Variants in KIRREL3 observed in about 807,000 individuals in gnomAD.
KIRREL3 encodes the protein kirre like nephrin family adhesion molecule 3.
A neutral mutation model predicts 89.7 loss-of-function variants in KIRREL3; 36 were observed. The ratio of observed to expected loss-of-function variants is 0.40; its 90% confidence interval spans 0.31 to 0.53. The LOEUF (loss-of-function observed/expected upper bound fraction) is 0.53, where lower values mean the gene tolerates loss of function less well. Ranked by LOEUF, KIRREL3 falls within the 20% of genes least tolerant of loss-of-function variation. KIRREL3 has a pLI of 0.49. For synonymous variants in KIRREL3, 445 were observed against 441.4 expected (o/e 1.01, Z -0.10); for missense variants, 864 against 1,056.6 (o/e 0.82, Z 2.53).
rs1382349268 is a variant in KIRREL3, at chr11:126,991,306, T to C, written c.55+9149A>G. Among the ~76,000 whole-genome samples the C allele has an allele frequency of 6.6e-6, 1 of 152,170 alleles. No homozygotes were observed. The highest frequency in any genetic ancestry group is 1.5e-5 in the Non-Finnish European group (1 of 68,038). ...CTCCATGTGCTGATATTACAAGCAC[T>C]GCTGGCTTCTCCTCTCATTACCCCT... On this transcript the variant is annotated intron_variant, in intron 1 of 16. Transcript: ENST00000525144. This position sits in a 1 kb window ranked among gnomAD's most constrained non-coding sequence, Gnocchi z 5.8.
chr11:126,909,926 T>C lies in KIRREL3; in HGVS notation c.55+90529A>G, dbSNP rs1381602560. Among the ~76,000 whole-genome samples the C allele has an allele frequency of 6.6e-6, 1 of 152,198 alleles. No homozygotes were observed. Among genetic ancestry groups the C allele is most frequent in the Non-Finnish European group, 1.5e-5 (1 of 68,030 alleles). On this transcript the variant is annotated intron_variant, in intron 1 of 16. Transcript: ENST00000525144. This position sits in a 1 kb window ranked among gnomAD's most constrained non-coding sequence, Gnocchi z 4.5. Reference sequence around the variant, plus strand: ...TTCTCAACTCCTAATGGACCCTGTATTAACTGAAGATGACAGGGAGCGAGG... The same window carrying C: ...TTCTCAACTCCTAATGGACCCTGTACTAACTGAAGATGACAGGGAGCGAGG...
At position 126,611,495 on chromosome 11, in the gene KIRREL3, G is replaced by A. The variant is rs1353058463; in HGVS notation, c.56-48583C>T. Among the ~76,000 whole-genome samples the A allele has an allele frequency of 6.6e-6, 1 of 152,118 alleles. No individual in the cohort carries two copies. Among genetic ancestry groups the A allele is most frequent in the Non-Finnish European group, 1.5e-5 (1 of 68,034 alleles). ...CTTCATACTGGACTTTGAGGACAAC[G>A]TTTTCATGTTTCACATTTCCCACTT... is the stretch of plus-strand genomic sequence containing the variant. On this transcript the variant is annotated intron_variant, in intron 1 of 16. Transcript: ENST00000525144. This position sits in a 1 kb window ranked among gnomAD's most constrained non-coding sequence, Gnocchi z 4.7.
In KIRREL3 at chr11:126,628,491, C is replaced by T. The variant is rs1036306266; in HGVS notation, c.56-65579G>A. Among the ~76,000 whole-genome samples, 1 of 152,210 alleles carries T rather than the reference C, an allele frequency of 6.6e-6. No individual in the cohort carries two copies. Among genetic ancestry groups the T allele is most frequent in the Non-Finnish European group, 1.5e-5 (1 of 68,040 alleles). Reference sequence around the variant, plus strand: ...AGGTGGTTAATGAATGTTTGCTGAGCAGGAAGAACAGTATATCCCGTTCTC... The same window carrying T: ...AGGTGGTTAATGAATGTTTGCTGAGTAGGAAGAACAGTATATCCCGTTCTC... On this transcript the variant is annotated intron_variant, in intron 1 of 16. Coordinates refer to ENST00000525144, the MANE Select transcript of KIRREL3 (RefSeq NM_032531.4). The surrounding 1 kb of genome is among the most constrained non-coding windows in gnomAD (Gnocchi z 5.2).
At position 126,965,340 on chromosome 11, in the gene KIRREL3, ACT is replaced by A. The variant is rs1396126145; in HGVS notation, c.55+35113_55+35114del. ...GCTTTTCGGCATTTACCCATGATAA[ACT>A]CTACCTTTGGACATCGGTACTCAAC... On this transcript the variant is annotated intron_variant, in intron 1 of 16. Transcript: ENST00000525144. This position sits in a 1 kb window ranked among gnomAD's most constrained non-coding sequence, Gnocchi z 4.4. Among the ~76,000 whole-genome samples the A allele has an allele frequency of 2.6e-5, 4 of 152,104 alleles. No homozygotes were observed. The highest frequency in any genetic ancestry group is 4.8e-5 in the African/African-American group (2 of 41,412).
chr11:126,641,594 A>C lies in KIRREL3; in HGVS notation c.56-78682T>G, dbSNP rs1440267464. On this transcript the variant is annotated intron_variant, in intron 1 of 16. Transcript: ENST00000525144. The surrounding 1 kb of genome is among the most constrained non-coding windows in gnomAD (Gnocchi z 5.0). ...ACCAATCCATTTACAGGTCGCAGAC[A>C]TTTACAACACCAGCCTCCTGGCTTC... Among the ~76,000 whole-genome samples, 1 of 152,074 alleles carries C rather than the reference A, an allele frequency of 6.6e-6. No homozygotes were observed. The highest frequency in any genetic ancestry group is 1.9e-4 in the East Asian group (1 of 5,184).
At chr11:126,916,874 C>T (rs1947062364) in intron 1 of KIRREL3, among the ~76,000 whole-genome samples, 1 of 152,204 alleles carries the variant, frequency 6.6e-6, no homozygotes, top group South Asian at 2.1e-4. Flanking sequence ...AGACTCTCTT[C>T]ATGCCTGATT....
At chr11:126,828,860 G>C (rs1943507118) in intron 1 of KIRREL3, among the ~76,000 whole-genome samples, 2 of 152,204 alleles carry the variant, frequency 1.3e-5, no homozygotes, top group Admixed American at 1.3e-4. Flanking sequence ...TCCCCTGAAA[G>C]TGGTGGTGGT....
rs996234828 is a variant in KIRREL3 at position 126,918,005 on chromosome 11, C to T, written c.55+82450G>A. Among the ~76,000 whole-genome samples, 1 of 152,128 alleles carries T rather than the reference C, an allele frequency of 6.6e-6. No homozygotes were observed. Among genetic ancestry groups the T allele is most frequent in the Non-Finnish European group, 1.5e-5 (1 of 68,028 alleles). On this transcript the variant is annotated intron_variant, in intron 1 of 16. Coordinates refer to ENST00000525144, the MANE Select transcript of KIRREL3 (RefSeq NM_032531.4). The surrounding 1 kb of genome is among the most constrained non-coding windows in gnomAD (Gnocchi z 6.5). ...TCCAAGCTGGGTTTCCATAAGACTC[C>T]ACACTGATCTCTGGCATGTTTACTG...
chr11:126,980,619 T>C (rs1949695098), intron 1 of KIRREL3, among the ~76,000 whole-genome samples: 1 of 152,066 alleles, frequency 6.6e-6, no homozygotes, highest in African/African-American at 2.4e-5. Context: ...GGAAAGGCAG[T>C]ATAGATCCAT....
rs1246765425 is a variant in KIRREL3 at position 126,923,129 on chromosome 11, C to CTCCTTCTTCTCTTCTTCTTCT, written c.55+77325_55+77326insAGAAGAAGAAGAGAAGAAGGA. 2.7e-4 allele frequency among the ~76,000 whole-genome samples: 7 copies of CTCCTTCTTCTCTTCTTCTTCT among 25,732 alleles called. 1 individual carries two copies. The highest frequency in any genetic ancestry group is 4.1e-4 in the Admixed American group (1 of 2,466). The allele number at this position is 25,732 out of a possible 152,430, so 16.9% of individuals were successfully genotyped here. A position where few individuals can be genotyped will look rare whatever the true frequency, so the allele number is the denominator to read the frequency against. ...CCTTCTCCTTCTCCTTCTCCTTCTT[C>CTCCTTCTTCTCTTCTTCTTCT]TCTTCTTCTTCTTCTTCTTCTTCTT... On this transcript the variant is annotated intron_variant, in intron 1 of 16. Transcript: ENST00000525144.
intron 1 of KIRREL3, among the ~76,000 whole-genome samples, chr11:126,958,192 A>T (rs769549494): frequency 6.6e-6 from 1 of 152,216 alleles, no homozygotes; most frequent in Non-Finnish European, 1.5e-5. Flanking sequence ...TAATAATAAA[A>T]GGATGTCTGG....
intron 1 of KIRREL3, among the ~76,000 whole-genome samples, chr11:126,945,312 CA>C: frequency 6.6e-6 from 1 of 152,198 alleles, no homozygotes; most frequent in East Asian, 1.9e-4. Context: ...CATTCAGCCA[CA>C]AGTGTGGCTC....
At position 126,525,248 on chromosome 11, in the gene KIRREL3, T is replaced by G. The variant is rs1221104127; in HGVS notation, c.283+1290A>C. Among the ~76,000 whole-genome samples the G allele has an allele frequency of 6.6e-6, 1 of 152,182 alleles. No homozygotes were observed. The highest frequency in any genetic ancestry group is 1.5e-5 in the Non-Finnish European group (1 of 68,026). On this transcript the variant is annotated intron_variant, in intron 3 of 16. Coordinates refer to ENST00000525144, the MANE Select transcript of KIRREL3 (RefSeq NM_032531.4). This position sits in a 1 kb window ranked among gnomAD's most constrained non-coding sequence, Gnocchi z 5.4. ...CGGGACCCCAGACAGCCTCCTTAAC[T>G]AGCGGCAGCGCTCATCCCAGCTCGG...
chr11:126,550,303 C>T lies in KIRREL3; in HGVS notation c.133+12532G>A, dbSNP rs1267765886. Reference sequence around the variant, plus strand: ...AATCTGTAATGATAGGGGTCTAAGCCTGCCCTGACTACACCCGGGATTTGA... The same window carrying T: ...AATCTGTAATGATAGGGGTCTAAGCTTGCCCTGACTACACCCGGGATTTGA... On this transcript the variant is annotated intron_variant, in intron 2 of 16. Transcript: ENST00000525144. This position sits in a 1 kb window ranked among gnomAD's most constrained non-coding sequence, Gnocchi z 4.9. 1.3e-5 allele frequency: 2 copies of T among 152,222 alleles called. No individual in the cohort carries two copies. The highest frequency in any genetic ancestry group is 2.9e-5 in the Non-Finnish European group (2 of 68,060). 9.4% of individuals were successfully genotyped at this position (152,222 alleles called of 1,614,324 possible).
chr11:126,835,285 C>A (rs1943742429), intron 1 of KIRREL3, among the ~76,000 whole-genome samples: 1 of 152,198 alleles, frequency 6.6e-6, no homozygotes, highest in Admixed American at 6.5e-5. Context: ...TAAGAAGGTT[C>A]TTTGACCCCT....
Position 126,739,404 on chromosome 11 carries a change from T to C in KIRREL3, c.56-176492A>G, listed in dbSNP as rs1018140721. 2.0e-5 allele frequency among the ~76,000 whole-genome samples: 3 copies of C among 152,246 alleles called. No individual in the cohort carries two copies. Among genetic ancestry groups the C allele is most frequent in the Non-Finnish European group, 2.9e-5 (2 of 68,040 alleles). ...ACTTTCACTTTACAGATGGAGACAC[T>C]GAGGCCCTGAGACATGAAGGGATCT... On this transcript the variant is annotated intron_variant, in intron 1 of 16. Transcript: ENST00000525144. The surrounding 1 kb of genome is among the most constrained non-coding windows in gnomAD (Gnocchi z 5.5).
intron 1 of KIRREL3, among the ~76,000 whole-genome samples, chr11:126,616,827 A>G (rs1217286622): frequency 6.6e-6 from 1 of 152,084 alleles, no homozygotes; most frequent in Non-Finnish European, 1.5e-5. Context: ...TTTTTTGCAG[A>G]GGCAGGGTCT....
Position 126,754,613 on chromosome 11 carries a change from T to A in KIRREL3, c.56-191701A>T, listed in dbSNP as rs1949434850. On this transcript the variant is annotated intron_variant, in intron 1 of 16. Transcript: ENST00000525144. This position sits in a 1 kb window ranked among gnomAD's most constrained non-coding sequence, Gnocchi z 5.1. ...ATACGAGATAAATTAAAGGGATCAT[T>A]TTTAAAGTCACCAGGGAGTTCGTGC... Among the ~76,000 whole-genome samples, 1 of 152,006 alleles carries A rather than the reference T, an allele frequency of 6.6e-6. No homozygotes were observed. Among genetic ancestry groups the A allele is most frequent in the Non-Finnish European group, 1.5e-5 (1 of 68,024 alleles).
intron 1 of KIRREL3, among the ~76,000 whole-genome samples, chr11:126,947,147 C>A (rs144115417): frequency 2.8e-4 from 42 of 152,240 alleles, no homozygotes; most frequent in African/African-American, 9.9e-4. Context: ...TAGCTCCTCT[C>A]GTTTATGAGC....
Sources: gnomAD v4.1 joint callset for allele counts (sites outside exome capture counted in the v4.1 genomes callset) on GRCh38, gnomAD v4.1.1 for gene constraint, Gnocchi (gnomAD v3.1) non-coding constraint, MANE v1.5 for transcripts, NCBI Gene and HGNC (gene_info 2026-07-23, HGNC 2026-07-21) for gene names.